Variants in CHD1L observed in about 807,000 individuals in gnomAD.
The protein encoded by CHD1L is ATP-dependent chromatin remodeler CHD1L.
CHD1L carries 118 observed loss-of-function variants against 115.9 expected under a neutral mutation model. The observed-to-expected ratio is 1.02, with a 90% CI of 0.88 to 1.19. The LOEUF is 1.19. CHD1L is among the 50% of genes most tolerant of loss of function. The pLI is 0.00. For missense variants in CHD1L, 1,179 were observed against 1,065.3 expected (o/e 1.11, Z -1.49); for synonymous variants, 411 against 387.1 (o/e 1.06, Z -0.72).
rs1458925846 is a variant in CHD1L, at chr1:147,275,293, C to T, written c.1271-61C>T. ...CAGTCTGACCCACTCTAGCCTTGTG[C>T]TTATTTTCTAGCTCCTCGTCTTTGT... On this transcript the variant is annotated intron_variant, in intron 12 of 22. Coordinates refer to ENST00000369258, the MANE Select transcript of CHD1L (RefSeq NM_004284.6). The T allele has an allele frequency of 8.6e-6, 11 of 1,273,558 alleles. No individual in the cohort carries two copies. In the East Asian group the frequency reaches 2.3e-4, roughly 27 times the overall value. 78.9% of individuals were successfully genotyped at this position (1,273,558 alleles called of 1,614,324 possible).
chr1:147,198,415 A>G, the CHD1L span, among the ~76,000 whole-genome samples: 1 of 152,182 alleles, frequency 6.6e-6, no homozygotes, highest in African/African-American at 2.4e-5. Context: ...AGAAATAAAA[A>G]GTAAAAGGAG....
At chr1:147,205,868 T>G in the CHD1L span, among the ~76,000 whole-genome samples, 2 of 152,130 alleles carry the variant, frequency 1.3e-5, no homozygotes, top group African/African-American at 2.4e-5. Flanking sequence ...AAGGACTTCA[T>G]GTCTAAAACA....
At chr1:147,222,691 A>G in the CHD1L span, among the ~76,000 whole-genome samples, 1 of 152,240 alleles carries the variant, frequency 6.6e-6, no homozygotes, top group African/African-American at 2.4e-5. Flanking sequence ...AACACAGCTT[A>G]TTTATTTTCA....
chr1:147,275,928 A>G (rs77823451), intron 13 of CHD1L, among the ~76,000 whole-genome samples, 176 bp from the exon 14 acceptor site: 239 of 152,284 alleles, frequency 1.6e-3, no homozygotes, highest in Non-Finnish European at 2.5e-3. Context: ...GTTCAGAGAG[A>G]ATTTCAGGCG....
the CHD1L span, among the ~76,000 whole-genome samples, chr1:147,235,093 G>GTGTGTT: frequency 1.1e-4 from 16 of 146,170 alleles, 1 homozygote; most frequent in South Asian, 1.3e-3. Context: ...CACACTGTGT[G>GTGTGTT]TGTGTGTGTG....
intron 5 of CHD1L, among the ~76,000 whole-genome samples, chr1:147,258,693 C>T (rs74835764): frequency 6.6e-6 from 1 of 152,178 alleles, no homozygotes; most frequent in Non-Finnish European, 1.5e-5. Context: ...TCTGTAGCCT[C>T]AGGAAGAGGG....
At chr1:147,279,847 C>T (rs1553960496) in intron 14 of CHD1L, among the ~76,000 whole-genome samples, 179 bp from the exon 15 acceptor site, 2 of 152,148 alleles carry the variant, frequency 1.3e-5, no homozygotes, top group African/African-American at 4.8e-5. Flanking sequence ...TCTGCTTACC[C>T]ATCATCCAAC....
At chr1:147,277,582 TTTTC>T (rs1679008523) in intron 14 of CHD1L, among the ~76,000 whole-genome samples, 1 of 152,308 alleles carries the variant, frequency 6.6e-6, no homozygotes, top group East Asian at 1.9e-4. Context: ...GGTGTGGCTT[TTTTC>T]TTTTTCTGAC....
chr1:147,262,876 T>A (rs72999638), intron 6 of CHD1L, among the ~76,000 whole-genome samples: 2,140 of 152,178 alleles, frequency 0.014, 43 homozygotes, highest in African/African-American at 0.049. Context: ...ATCCCAGTAA[T>A]CCTACTCCTA....
the CHD1L span, among the ~76,000 whole-genome samples, chr1:147,231,239 T>C: frequency 8.5e-5 from 13 of 152,222 alleles, no homozygotes; most frequent in Non-Finnish European, 1.9e-4. Flanking sequence ...AGAACCTCTT[T>C]ATCTCTACCT....
chr1:147,247,663 A>T (rs1667040637), intron 1 of CHD1L, among the ~76,000 whole-genome samples: 1 of 152,226 alleles, frequency 6.6e-6, no homozygotes, highest in South Asian at 2.1e-4. Context: ...AAATGGACTA[A>T]GACAGGCCCT....
chr1:147,271,057 C>T, intron 11 of CHD1L, 52 bp downstream of exon 11: 1 of 1,358,114 alleles, frequency 7.4e-7, no homozygotes, highest in Non-Finnish European at 1.1e-6. Flanking sequence ...ACTTAACAGT[C>T]CAGATAGGTC....
At chr1:147,287,341 T>G (rs1683560537) in intron 18 of CHD1L, among the ~76,000 whole-genome samples, 1 of 152,216 alleles carries the variant, frequency 6.6e-6, no homozygotes, top group Admixed American at 6.5e-5. Context: ...CCATCTACTC[T>G]CCGTCCTTCC....
At chr1:147,199,288 A>G in the CHD1L span, among the ~76,000 whole-genome samples, 1 of 152,196 alleles carries the variant, frequency 6.6e-6, no homozygotes, top group Admixed American at 6.5e-5. Context: ...TAGTGAAGGG[A>G]TAATTCAGGG....
chr1:147,265,199 G>C (rs1310883099), intron 7 of CHD1L, among the ~76,000 whole-genome samples: 1 of 152,002 alleles, frequency 6.6e-6, no homozygotes, highest in African/African-American at 2.4e-5. Context: ...TGAGTTTGAG[G>C]GGGCTTCTCA....
chr1:147,231,530 G>C, the CHD1L span, among the ~76,000 whole-genome samples: 1 of 152,140 alleles, frequency 6.6e-6, no homozygotes, highest in Non-Finnish European at 1.5e-5. Flanking sequence ...AGTCCACCTG[G>C]TGCAGAGCTG....
At chr1:147,287,977 T>A (rs1396576191) in intron 19 of CHD1L, among the ~76,000 whole-genome samples, 1 of 148,372 alleles carries the variant, frequency 6.7e-6, no homozygotes, top group African/African-American at 2.6e-5. Flanking sequence ...AGAACTGTAG[T>A]AAGCATAATA....
chr1:147,242,766 TACTGAGGGCCGAGCCGA>T lies in CHD1L; in HGVS notation c.64_80del (p.Thr22GlyfsTer45). On this transcript the variant is annotated frameshift_variant, in exon 1 of 23. Transcript: ENST00000369258. LOFTEE classifies it high-confidence loss of function. ...CCCCTGGCTTCTTACTGCGGCTTCA[TACTGAGGGCCGAGCCGA>T]GGCGGCGCGGGTGCAGGAGCAGGAC... 7.9e-7 allele frequency: 1 copy of T among 1,269,258 alleles called. No homozygotes were observed. The highest frequency in any genetic ancestry group is 1.0e-6 in the Non-Finnish European group (1 of 1,000,324). 78.6% of individuals were successfully genotyped at this position (1,269,258 alleles called of 1,614,324 possible).
At chr1:147,244,038 G>T (rs1393480344) in intron 1 of CHD1L, among the ~76,000 whole-genome samples, 2 of 152,200 alleles carry the variant, frequency 1.3e-5, no homozygotes, top group Admixed American at 6.5e-5. Flanking sequence ...TATGTATCCA[G>T]TTTTAAGTAT....
Sources: allele counts gnomAD v4.1 joint callset (sites outside exome capture counted in the v4.1 genomes callset), GRCh38; gene constraint gnomAD v4.1.1; transcripts MANE v1.5; gene names NCBI Gene and HGNC (gene_info 2026-07-23, HGNC 2026-07-21).